PRAG1: variants seen among roughly 807,000 people sequenced by gnomAD.
PRAG1 encodes PEAK1 related, kinase-activating pseudokinase 1.
A neutral mutation model predicts 95.6 loss-of-function variants in PRAG1; 110 were observed. The observed-to-expected ratio is 1.15, with a 90% CI of 0.99 to 1.35. PRAG1 has a LOEUF of 1.35. PRAG1 is among the 40% of genes most tolerant of loss of function. The probability of loss-of-function intolerance (pLI) is 0.00; values close to 1 mark genes in which losing one functional copy is unlikely to be tolerated. For missense variants in PRAG1, 2,554 were observed against 1,864.7 expected, an observed-to-expected ratio of 1.37 and a Z score of -6.81; for synonymous variants, 1,052 against 819.4, an observed-to-expected ratio of 1.28 and a Z score of -4.85.
chr8:8,340,944 T>A (rs1388504191), intron 3 of PRAG1, among the ~76,000 whole-genome samples: 1 of 152,246 alleles, frequency 6.6e-6, no homozygotes, highest in East Asian at 1.9e-4. Flanking sequence ...TAGGAAATGC[T>A]ATGGCAGTAG....
At chr8:8,349,503 C>G (rs1196608923) in intron 3 of PRAG1, among the ~76,000 whole-genome samples, 1 of 151,974 alleles carries the variant, frequency 6.6e-6, no homozygotes, top group East Asian at 1.9e-4. Context: ...AGGATGGTCT[C>G]GATCTCCTGA....
rs781255119 is a variant in PRAG1 at position 8,377,019 on chromosome 8, G to C, written c.1390C>G (p.Pro464Ala). ...GCTGACACCTGGGGAGTTGGGTCTG[G>C]GCTGTCCCGGCCCCAGCCAGATGCT... ...KAASGWGRDS[P>A]DPTPQVSATI... The change falls in exon 3 of 6, where the codon CCA (proline) becomes GCA (alanine). Residue 464 changes from proline (P) to alanine (A), a missense_variant. Pro to Ala is a conservative substitution (Grantham distance 27). Transcript: ENST00000615670. The C allele has an allele frequency of 4.3e-6, 7 of 1,613,822 alleles. No individual in the cohort carries two copies. Among genetic ancestry groups the C allele is most frequent in the African/African-American group, 1.3e-5 (1 of 74,948 alleles).
chr8:8,333,934 C>A (rs112443029), intron 4 of PRAG1, among the ~76,000 whole-genome samples: 1 of 152,214 alleles, frequency 6.6e-6, no homozygotes, highest in Non-Finnish European at 1.5e-5. Flanking sequence ...GCCATCTGCA[C>A]GGGCACCTTG....
intron 4 of PRAG1, 44 bp from the exon 5 acceptor site, chr8:8,328,505 C>A: frequency 6.3e-7 from 1 of 1,597,608 alleles, no homozygotes; most frequent in Non-Finnish European, 8.5e-7. Context: ...GCCAGTGCCA[C>A]TCAATTCCAG....
chr8:8,327,700 T>C lies in PRAG1; in HGVS notation c.3072+10A>G. ...GGCACAGCAGAATGCAAGGAGGGAG[T>C]GGTACCTACTTTCACAGCATAGGTG... On this transcript the variant is annotated intron_variant, in intron 5 of 5. Transcript: ENST00000615670. The C allele has an allele frequency of 6.3e-7, 1 of 1,599,722 alleles. No homozygotes were observed. Among genetic ancestry groups the C allele is most frequent in the Non-Finnish European group, 8.5e-7 (1 of 1,171,322 alleles).
rs1798689982 is a variant in PRAG1, at chr8:8,328,035, G to A, written c.2747C>T (p.Pro916Leu). The A allele has an allele frequency of 6.3e-7, 1 of 1,584,840 alleles. No individual in the cohort carries two copies. Among genetic ancestry groups the A allele is most frequent in the African/African-American group, 1.3e-5 (1 of 74,296 alleles). The stretch of plus-strand genomic sequence containing the variant: ...GCTCAGCTGGGAGGATGAGGCGGAG[G>A]GGGCCCCTTTGCACTGGAGGCCAGG... ...GSPGLQCKGA[P>L]SASSSQLSVS... The change falls in exon 5 of 6, where the codon CCC becomes CTC. Residue 916 changes from proline (P) to leucine (L), a missense_variant. By Grantham distance (98) the Pro-to-Leu change is moderately conservative. Coordinates refer to ENST00000615670, the MANE Select transcript of PRAG1 (RefSeq NM_001080826.3).
chr8:8,342,148 T>C (rs67646927), intron 3 of PRAG1, among the ~76,000 whole-genome samples: 50,680 of 151,688 alleles, frequency 0.33, 8,879 homozygotes, highest in African/African-American at 0.45. Flanking sequence ...AGAAAAGGAA[T>C]TATAAAATGA....
Position 8,318,419 on chromosome 8 carries a change from C to A in PRAG1, c.3956G>T (p.Gly1319Val). The change falls in exon 6 of 6, where the codon GGC becomes GTC. Residue 1319 changes from glycine to valine, a missense_variant. Gly to Val is a moderately radical substitution (Grantham distance 109, BLOSUM62 -3). Transcript: ENST00000615670. The surrounding 1 kb of genome is among the most constrained non-coding windows in gnomAD (Gnocchi z 4.2). The stretch of plus-strand genomic sequence containing the variant: ...GCACTGCAGCACGCGCTTGGCCTCG[C>A]CGATGCGGATACGCTTGATGGGGTC... ...EADPIKRIRI[G>V]EAKRVLQCLL... 1 of 1,613,068 alleles carries A rather than the reference C, an allele frequency of 6.2e-7. No homozygotes were observed. The highest frequency in any genetic ancestry group is 8.5e-7 in the Non-Finnish European group (1 of 1,179,760).
intron 3 of PRAG1, among the ~76,000 whole-genome samples, chr8:8,341,120 G>A (rs1331753037): frequency 6.6e-6 from 1 of 152,154 alleles, no homozygotes; most frequent in Non-Finnish European, 1.5e-5. Context: ...CCAGCTCTGT[G>A]GCTATCCCCT....
intron 5 of PRAG1, among the ~76,000 whole-genome samples, chr8:8,322,848 A>G (rs1798516919): frequency 6.6e-6 from 1 of 152,266 alleles, no homozygotes; most frequent in East Asian, 1.9e-4. Flanking sequence ...CTCAACTTCA[A>G]TGTACATCAT....
chr8:8,375,336 T>C, intron 3 of PRAG1, among the ~76,000 whole-genome samples: 1 of 152,116 alleles, frequency 6.6e-6, no homozygotes, highest in Non-Finnish European at 1.5e-5. Context: ...CCCCAGTAGC[T>C]GGGACTACAG....
chr8:8,347,573 T>C (rs1799386532), intron 3 of PRAG1, among the ~76,000 whole-genome samples: 1 of 151,518 alleles, frequency 6.6e-6, no homozygotes, highest in Admixed American at 6.6e-5. Flanking sequence ...GTTTTCTTGG[T>C]GGATAAGAAC....
rs1378361525 is a variant in PRAG1 at position 8,328,370 on chromosome 8, C to G, written c.2412G>C (p.Val804=). 1 of 1,613,216 alleles carries G rather than the reference C, an allele frequency of 6.2e-7. No homozygotes were observed. The highest frequency in any genetic ancestry group is 2.2e-5 in the East Asian group (1 of 44,856). ...VPFPSGSTED[V]SPSGPQQPPP... ...GGGGCTGCTGGGGGCCACTGGGGGA[C>G]ACGTCCTCAGTGGAGCCTGAAGGAA... Residue 804 remains valine, a synonymous_variant, in exon 5 of 6, where the codon GTG becomes GTC. Coordinates refer to ENST00000615670, the MANE Select transcript of PRAG1 (RefSeq NM_001080826.3).
chr8:8,344,771 C>T (rs887829717), intron 3 of PRAG1, among the ~76,000 whole-genome samples: 7 of 152,080 alleles, frequency 4.6e-5, no homozygotes, highest in African/African-American at 1.7e-4. Context: ...TGTTGTTGCG[C>T]CTCTGGAAGG....
Position 8,319,310 on chromosome 8 carries a change from G to T in PRAG1, c.3073-8C>A. The stretch of plus-strand genomic sequence containing the variant: ...CTCAGGGGCTTTGCAGATCTGTGGA[G>T]AGAAGAAGAAGTGAAATCAAGAGTG... On this transcript the variant is annotated splice_region_variant and splice_polypyrimidine_tract_variant and intron_variant, in intron 5 of 5. Coordinates refer to ENST00000615670, the MANE Select transcript of PRAG1 (RefSeq NM_001080826.3). 1 of 1,491,060 alleles carries T rather than the reference G, an allele frequency of 6.7e-7. No individual in the cohort carries two copies. Among genetic ancestry groups the T allele is most frequent in the South Asian group, 1.4e-5 (1 of 71,894 alleles). 92.4% of individuals were successfully genotyped at this position (1,491,060 alleles called of 1,614,324 possible).
rs373749070 is a variant in PRAG1, at chr8:8,376,807, G to A, written c.1602C>T (p.Ser534=). Residue 534 remains serine, a synonymous_variant, in exon 3 of 6, where the codon AGC becomes AGT. Coordinates refer to ENST00000615670, the MANE Select transcript of PRAG1 (RefSeq NM_001080826.3). Reference sequence around the variant, plus strand: ...CGGGCCTCTCCTTGGGCTTGCTCTCGCTGGCACTGTGAGCATGGCTTTCCC... The same window carrying A: ...CGGGCCTCTCCTTGGGCTTGCTCTCACTGGCACTGTGAGCATGGCTTTCCC... ...SSRESHAHSA[S]ESKPKERPAI... 510 of 1,611,674 alleles carry A rather than the reference G, an allele frequency of 3.2e-4. No individual in the cohort carries two copies. Among genetic ancestry groups the A allele is most frequent in the Non-Finnish European group, 3.6e-4 (422 of 1,179,796 alleles).
At chr8:8,371,346 C>A (rs1200498593) in intron 3 of PRAG1, among the ~76,000 whole-genome samples, 1 of 151,612 alleles carries the variant, frequency 6.6e-6, no homozygotes, top group Non-Finnish European at 1.5e-5. Flanking sequence ...CTGCAAGCTC[C>A]GCCTCCCGGG....
chr8:8,354,996 A>G (rs1585252110), intron 3 of PRAG1, among the ~76,000 whole-genome samples: 2 of 152,312 alleles, frequency 1.3e-5, no homozygotes, highest in Middle Eastern at 6.8e-3. Flanking sequence ...ATCCGTATTT[A>G]CAGATGACAT....
In PRAG1 at chr8:8,376,576, C is replaced by G; in HGVS notation, c.1833G>C (p.Arg611Ser). 1 of 1,607,252 alleles carries G rather than the reference C, an allele frequency of 6.2e-7. No individual in the cohort carries two copies. Among genetic ancestry groups the G allele is most frequent in the Non-Finnish European group, 8.5e-7 (1 of 1,175,762 alleles). The change falls in exon 3 of 6, where the codon AGG (arginine) becomes AGC (serine). Residue 611 changes from arginine (R) to serine (S), a missense_variant. Transcript: ENST00000615670. ...CTGACGAGGCGGCAGGCTGGGGACA[C>G]CTGGATGGGTCACTGATAGCGACAC... ...TNGVAISDPSRCPQPAASSAS... is the reference protein window; with the variant it reads ...TNGVAISDPSSCPQPAASSAS...
Sources: gnomAD v4.1 joint callset for allele counts (sites outside exome capture counted in the v4.1 genomes callset) on GRCh38, gnomAD v4.1.1 for gene constraint, Gnocchi (gnomAD v3.1) non-coding constraint, MANE v1.5 for transcripts, NCBI Gene and HGNC (gene_info 2026-07-23, HGNC 2026-07-21) for gene names.